LRP1B: variants seen among roughly 807,000 people sequenced by gnomAD.
LRP1B encodes LDL receptor related protein 1B.
A neutral mutation model predicts 556.6 loss-of-function variants in LRP1B; 217 were observed. That is an observed-to-expected ratio of 0.39 (90% CI 0.35 to 0.44). The LOEUF (loss-of-function observed/expected upper bound fraction) is 0.44, where lower values mean the gene tolerates loss of function less well. LRP1B is among the 20% of genes least tolerant of loss of function. LRP1B has a pLI of 1.00. For synonymous variants in LRP1B, 2,047 were observed against 1,865.8 expected (o/e 1.10, Z -2.50); for missense variants, 5,053 against 5,620.8 (o/e 0.90, Z 3.23).
intron 5 of LRP1B, among the ~76,000 whole-genome samples, chr2:141,239,487 G>C (rs1376685951): frequency 1.3e-5 from 2 of 152,062 alleles, no homozygotes; most frequent in Non-Finnish European, 2.9e-5. Flanking sequence ...CTTGTATGCT[G>C]ATGTGAATGA....
chr2:141,660,476 T>A (rs1014003829), intron 2 of LRP1B, among the ~76,000 whole-genome samples: 4 of 152,132 alleles, frequency 2.6e-5, no homozygotes, highest in Admixed American at 2.0e-4. Flanking sequence ...AGTCTGGCAG[T>A]TCCCCCCCGC....
At chr2:141,753,898 C>T (rs1440288406) in intron 2 of LRP1B, among the ~76,000 whole-genome samples, 1 of 152,082 alleles carries the variant, frequency 6.6e-6, no homozygotes, top group Non-Finnish European at 1.5e-5. Context: ...GTGTCCAGCT[C>T]ATTTATCTTG....
At chr2:141,260,247 C>T (rs1033152531) in intron 3 of LRP1B, among the ~76,000 whole-genome samples, 2 of 152,158 alleles carry the variant, frequency 1.3e-5, no homozygotes, top group African/African-American at 2.4e-5. Flanking sequence ...ATATCACCCT[C>T]GGAAGCAATG....
chr2:142,001,906 T>C (rs1702667115), intron 1 of LRP1B, among the ~76,000 whole-genome samples: 1 of 152,146 alleles, frequency 6.6e-6, no homozygotes, highest in Non-Finnish European at 1.5e-5. Flanking sequence ...CATGCTCTAA[T>C]TTACCCATGC....
intron 20 of LRP1B, among the ~76,000 whole-genome samples, chr2:140,928,528 G>T (rs1287209106): frequency 6.6e-6 from 1 of 152,060 alleles, no homozygotes; most frequent in East Asian, 1.9e-4. Context: ...CCTCATATCT[G>T]ATGCAAAAGG....
chr2:141,651,238 G>T lies in LRP1B; in HGVS notation c.205+159041C>A, dbSNP rs865973373. On this transcript the variant is annotated intron_variant, in intron 2 of 90. Coordinates refer to ENST00000389484, the MANE Select transcript of LRP1B (RefSeq NM_018557.3). Reference sequence around the variant, plus strand: ...TCCAAACTAATGCATAACTCCACAGGTTTATATATATCTATAAAAGTAAAA... The same window carrying T: ...TCCAAACTAATGCATAACTCCACAGTTTTATATATATCTATAAAAGTAAAA... Among the ~76,000 whole-genome samples the T allele has an allele frequency of 3.3e-5, 5 of 151,940 alleles. No individual in the cohort carries two copies. The South Asian group carries it at 6.2e-4, about 19-fold the overall frequency.
chr2:141,185,065 G>A (rs1334867258), intron 7 of LRP1B, among the ~76,000 whole-genome samples: 2 of 152,148 alleles, frequency 1.3e-5, no homozygotes, highest in Non-Finnish European at 2.9e-5. Context: ...GAAAATATTA[G>A]CAATTATCAT....
intron 1 of LRP1B, among the ~76,000 whole-genome samples, chr2:141,939,380 G>A (rs1700727314): frequency 6.6e-6 from 1 of 152,004 alleles, no homozygotes; most frequent in Non-Finnish European, 1.5e-5. Flanking sequence ...TAGAGAATCT[G>A]AACAGAGGAC....
At chr2:141,022,786 A>T (rs6750070) in intron 11 of LRP1B, among the ~76,000 whole-genome samples, 5,899 of 152,060 alleles carry the variant, frequency 0.039, 274 homozygotes, top group African/African-American at 0.11. Context: ...TTGATAAAGA[A>T]AAACTTGGTA....
intron 3 of LRP1B, among the ~76,000 whole-genome samples, chr2:141,335,398 C>T (rs1320165788): frequency 1.3e-5 from 2 of 152,136 alleles, no homozygotes; most frequent in Non-Finnish European, 2.9e-5. Context: ...TTTAAAAAGA[C>T]CACTAATTTG....
intron 17 of LRP1B, among the ~76,000 whole-genome samples, chr2:140,989,245 A>G (rs1365798537): frequency 6.6e-6 from 1 of 152,120 alleles, no homozygotes; most frequent in Non-Finnish European, 1.5e-5. Context: ...TCCACTGCCA[A>G]GTAGGATTTA....
chr2:141,384,258 A>C (rs935035807), intron 3 of LRP1B, among the ~76,000 whole-genome samples: 1 of 152,182 alleles, frequency 6.6e-6, no homozygotes, highest in African/African-American at 2.4e-5. Flanking sequence ...CTTTAGGCTA[A>C]AATGAAAGGA....
intron 3 of LRP1B, among the ~76,000 whole-genome samples, chr2:141,479,129 C>T (rs947406238): frequency 6.6e-6 from 1 of 152,240 alleles, no homozygotes; most frequent in East Asian, 1.9e-4. Flanking sequence ...CAGTTGATTT[C>T]CACAGCCTAC....
At chr2:141,973,522 A>G (rs1408721432) in intron 1 of LRP1B, among the ~76,000 whole-genome samples, 3 of 151,830 alleles carry the variant, frequency 2.0e-5, no homozygotes, top group African/African-American at 7.2e-5. Context: ...ATTGATTCAC[A>G]TTTAATCTGT....
chr2:141,197,841 G>C (rs115459179), intron 6 of LRP1B, among the ~76,000 whole-genome samples: 4,380 of 152,148 alleles, frequency 0.029, 104 homozygotes, highest in Non-Finnish European at 0.041. Flanking sequence ...TTGTCTTCTA[G>C]CTTTGGTGTA....
intron 3 of LRP1B, among the ~76,000 whole-genome samples, chr2:141,455,697 T>A (rs952527489): frequency 6.6e-6 from 1 of 152,138 alleles, no homozygotes; most frequent in Non-Finnish European, 1.5e-5. Context: ...GTGGAATAAA[T>A]GAACAAATAC....
At chr2:140,908,364 TAATATATATA>T (rs1694317718) in intron 21 of LRP1B, among the ~76,000 whole-genome samples, 1 of 33,774 alleles carries the variant, frequency 3.0e-5, no homozygotes, top group Admixed American at 4.4e-4. Flanking sequence ...TATATTTATA[TAATATATATA>T]TATATATATA....
intron 59 of LRP1B, among the ~76,000 whole-genome samples, chr2:140,479,120 T>G (rs1688109420): frequency 6.6e-6 from 1 of 152,080 alleles, no homozygotes; most frequent in South Asian, 2.1e-4. Context: ...AGCATGAGCC[T>G]TCATAAACAC....
At chr2:141,514,311 C>A (rs1684232684) in intron 2 of LRP1B, among the ~76,000 whole-genome samples, 1 of 152,118 alleles carries the variant, frequency 6.6e-6, no homozygotes. Context: ...AAGGCTTAGC[C>A]CCTTGGATTT....
Sources: gnomAD v4.1 joint callset for allele counts (sites outside exome capture counted in the v4.1 genomes callset) on GRCh38, gnomAD v4.1.1 for gene constraint, MANE v1.5 for transcripts, NCBI Gene and HGNC (gene_info 2026-07-23, HGNC 2026-07-21) for gene names.